BLTP1: variants seen among roughly 807,000 people sequenced by gnomAD.
BLTP1 encodes the protein bridge-like lipid transfer protein family member 1, also known as fragile site-associated protein.
the BLTP1 span, chr4:122,187,717 T>C: frequency 2.1e-6 from 1 of 479,038 alleles, no homozygotes; most frequent in African/African-American, 2.1e-5. Context: ...AGTACTTAAA[T>C]TTTCTTTTAA....
chr4:122,197,185 T>TC, the BLTP1 span: 4 of 1,060,486 alleles, frequency 3.8e-6, no homozygotes, highest in South Asian at 7.1e-5. Flanking sequence ...TTAATTTTTT[T>TC]CTTTTGGTAG....
At chr4:122,221,686 C>A in the BLTP1 span, 1 of 480,950 alleles carries the variant, frequency 2.1e-6, no homozygotes, top group Non-Finnish European at 2.7e-6. Context: ...AAAAAAAAAA[C>A]CTCTTGTCCT....
At chr4:122,307,682 A>G in the BLTP1 span, 1 of 985,262 alleles carries the variant, frequency 1.0e-6, no homozygotes, top group Non-Finnish European at 1.2e-6. Context: ...GGCATTTCAC[A>G]AATAAGTTAG....
chr4:122,226,885 A>G, the BLTP1 span: 2 of 1,415,524 alleles, frequency 1.4e-6, no homozygotes, highest in Non-Finnish European at 1.9e-6. Context: ...TGAATTTTAA[A>G]AAATGGAATA....
the BLTP1 span, among the ~76,000 whole-genome samples, chr4:122,227,898 T>A: frequency 6.6e-6 from 1 of 151,384 alleles, no homozygotes; most frequent in Non-Finnish European, 1.5e-5. Flanking sequence ...TAACTTGAAG[T>A]TTTTATGTTG....
chr4:122,257,557 A>T, the BLTP1 span: 1 of 1,442,808 alleles, frequency 6.9e-7, no homozygotes, highest in Non-Finnish European at 9.6e-7. Flanking sequence ...GTGTTTTCTT[A>T]CTCAACACAA....
At chr4:122,176,518 G>A in the BLTP1 span, among the ~76,000 whole-genome samples, 11 of 152,034 alleles carry the variant, frequency 7.2e-5, no homozygotes, top group Admixed American at 2.0e-4. Flanking sequence ...CAAATTAAAA[G>A]TACACTACCA....
the BLTP1 span, chr4:122,239,770 G>A: frequency 6.2e-7 from 1 of 1,614,120 alleles, no homozygotes; most frequent in Non-Finnish European, 8.5e-7. Context: ...AGAAGTTTTG[G>A]TTCATTCCCA....
the BLTP1 span, chr4:122,269,120 A>G: frequency 2.1e-6 from 2 of 941,860 alleles, no homozygotes; most frequent in Non-Finnish European, 2.5e-6. Flanking sequence ...CTAAATTTAT[A>G]TTTAAATTTG....
chr4:122,328,592 A>G, the BLTP1 span: 1 of 925,924 alleles, frequency 1.1e-6, no homozygotes, highest in Non-Finnish European at 1.3e-6. Flanking sequence ...CATGTCACCT[A>G]AGTTTAATTA....
the BLTP1 span, chr4:122,356,009 TA>T: frequency 6.5e-7 from 1 of 1,547,464 alleles, no homozygotes; most frequent in African/African-American, 1.4e-5. Context: ...AAAAACAATT[TA>T]AAGTTAATAA....
chr4:122,316,674 T>C, the BLTP1 span: 1 of 1,572,830 alleles, frequency 6.4e-7, no homozygotes, highest in Admixed American at 1.8e-5. Flanking sequence ...TTTGTGATAG[T>C]ATAGATTTGC....
At chr4:122,203,560 T>C in the BLTP1 span, among the ~76,000 whole-genome samples, 3 of 151,858 alleles carry the variant, frequency 2.0e-5, no homozygotes, top group Admixed American at 1.3e-4. Context: ...AGTAAGGCAG[T>C]CATCAGGAAA....
At chr4:122,284,631 G>A in the BLTP1 span, among the ~76,000 whole-genome samples, 1 of 151,730 alleles carries the variant, frequency 6.6e-6, no homozygotes, top group Non-Finnish European at 1.5e-5. Flanking sequence ...GTCTCTTCAC[G>A]TTTCAGTTAC....
At chr4:122,227,449 G>A in the BLTP1 span, 1 of 985,176 alleles carries the variant, frequency 1.0e-6, no homozygotes, top group South Asian at 4.7e-5. Flanking sequence ...GGGGAGGGAG[G>A]CATTTTCTTC....
At chr4:122,250,221 T>G in the BLTP1 span, 1 of 885,850 alleles carries the variant, frequency 1.1e-6, no homozygotes, top group Admixed American at 2.9e-5. Context: ...GATAATTCAG[T>G]GATACATTAC....
the BLTP1 span, among the ~76,000 whole-genome samples, chr4:122,295,103 T>C: frequency 3.0e-4 from 45 of 152,132 alleles, no homozygotes; most frequent in African/African-American, 9.6e-4. Flanking sequence ...CTGAGAACTA[T>C]GAGATTATTT....
At chr4:122,361,371 T>C in the BLTP1 span, among the ~76,000 whole-genome samples, 1 of 152,134 alleles carries the variant, frequency 6.6e-6, no homozygotes, top group African/African-American at 2.4e-5. Context: ...AATCAGCAGC[T>C]CTATGTATGT....
chr4:122,348,608 A>G, the BLTP1 span: 1 of 1,609,546 alleles, frequency 6.2e-7, no homozygotes, highest in Non-Finnish European at 8.5e-7. Context: ...CAAATCAAAC[A>G]AAGCAGCAAG....
Sources: gnomAD v4.1 joint callset for allele counts (sites outside exome capture counted in the v4.1 genomes callset) on GRCh38, gnomAD v4.1.1 for gene constraint, MANE v1.5 for transcripts, NCBI Gene and HGNC (gene_info 2026-07-23, HGNC 2026-07-21) for gene names.